The following IFFO2 variants were observed in gnomAD, a reference collection of about 807,000 sequenced individuals.
The protein encoded by IFFO2 is intermediate filament family orphan 2.
Under a neutral mutation model 53.5 loss-of-function variants are expected in IFFO2, and 19 were observed. The observed-to-expected ratio is 0.36, with a 90% CI of 0.25 to 0.52. The LOEUF (loss-of-function observed/expected upper bound fraction) is 0.52, where lower values mean the gene tolerates loss of function less well. Among genes scored for constraint, IFFO2 ranks in the 20% least tolerant of loss-of-function variants. The pLI is 0.94. For missense variants in IFFO2, 570 were observed against 727.4 expected (o/e 0.78, Z 2.49); for synonymous variants, 303 against 313.6 (o/e 0.97, Z 0.36).
intron 5 of IFFO2, among the ~76,000 whole-genome samples, chr1:18,914,137 T>C (rs1471914499): frequency 6.6e-6 from 1 of 152,204 alleles, no homozygotes; most frequent in East Asian, 1.9e-4. Flanking sequence ...GGCCTGTTTG[T>C]TTTAACTTAG....
Position 18,906,863 on chromosome 1 carries a change from G to A in IFFO2, c.*1698C>T, listed in dbSNP as rs540886255. On this transcript the variant is annotated 3_prime_UTR_variant, in exon 9 of 9. Coordinates refer to ENST00000455833, the MANE Select transcript of IFFO2 (RefSeq NM_001136265.2). ...AACTCATGACGAAGGCCACCAAATC[G>A]TGATAAATTACATCACACATAGTCA... is the stretch of plus-strand genomic sequence containing the variant. The A allele has an allele frequency of 4.6e-5, 7 of 152,298 alleles. No individual in the cohort carries two copies. Among genetic ancestry groups the A allele is most frequent in the African/African-American group, 9.6e-5 (4 of 41,546 alleles). The allele number at this position is 152,298 out of a possible 1,614,324, so 9.4% of individuals were successfully genotyped here.
chr1:18,950,258 G>C (rs545035280), intron 1 of IFFO2, among the ~76,000 whole-genome samples: 1 of 152,358 alleles, frequency 6.6e-6, no homozygotes, highest in South Asian at 2.1e-4. Flanking sequence ...ATGGGACAGA[G>C]AGAGCGGCGA....
At chr1:18,954,753 C>T (rs892145265) in intron 1 of IFFO2, among the ~76,000 whole-genome samples, 7 of 152,230 alleles carry the variant, frequency 4.6e-5, no homozygotes, top group South Asian at 2.1e-4. Context: ...GACAGTTTCC[C>T]AGCTGGGGAA....
chr1:18,941,279 G>T (rs915743260), intron 1 of IFFO2, among the ~76,000 whole-genome samples: 1 of 152,358 alleles, frequency 6.6e-6, no homozygotes, highest in Admixed American at 6.5e-5. Context: ...GGGGCTGAGC[G>T]CAAGCCAAGC....
At chr1:18,948,931 G>A (rs1936624068) in intron 1 of IFFO2, among the ~76,000 whole-genome samples, 1 of 152,232 alleles carries the variant, frequency 6.6e-6, no homozygotes, top group African/African-American at 2.4e-5. Context: ...CGGACACAGA[G>A]CTTAGCATCC....
chr1:18,934,083 T>TTTTTTTTTTTTTTTTC (rs1936415097), intron 1 of IFFO2, among the ~76,000 whole-genome samples: 1 of 143,092 alleles, frequency 7.0e-6, no homozygotes, highest in African/African-American at 2.6e-5. Context: ...TTTTTTTTTT[T>TTTTTTTTTTTTTTTTC]TGAGACAGCG....
chr1:18,911,942 G>A, intron 6 of IFFO2, 21 bp downstream of exon 6: 1 of 1,551,328 alleles, frequency 6.4e-7, no homozygotes, highest in Non-Finnish European at 8.7e-7. Context: ...TGGCCTTTGG[G>A]AAGCCAGGCG....
At chr1:18,951,657 G>A (rs1291354587) in intron 1 of IFFO2, among the ~76,000 whole-genome samples, 3 of 152,194 alleles carry the variant, frequency 2.0e-5, no homozygotes, top group Non-Finnish European at 2.9e-5. Flanking sequence ...TGTGACAGCT[G>A]CCAGGCTGGA....
Position 18,917,517 on chromosome 1 carries a change from C to T in IFFO2, c.964-475G>A, listed in dbSNP as rs1936150567. Among the ~76,000 whole-genome samples, 1 of 152,168 alleles carries T rather than the reference C, an allele frequency of 6.6e-6. No individual in the cohort carries two copies. The highest frequency in any genetic ancestry group is 2.4e-5 in the African/African-American group (1 of 41,438). ...AAGCTTCCACTCCAAGCAGACAAGC[C>T]ACGAGCAAACGAAGGCTGCGTTGGC... On this transcript the variant is annotated intron_variant, in intron 4 of 8. Transcript: ENST00000455833. This position sits in a 1 kb window ranked among gnomAD's most constrained non-coding sequence, Gnocchi z 5.9.
intron 1 of IFFO2, among the ~76,000 whole-genome samples, chr1:18,938,061 G>C (rs1228254702): frequency 6.6e-6 from 1 of 151,418 alleles, no homozygotes; most frequent in African/African-American, 2.4e-5. Flanking sequence ...AGCCGGCTTG[G>C]GGCAAAGTGG....
rs77099470 is a variant in IFFO2, at chr1:18,915,226, T to C, written c.1103+1677A>G. Among the ~76,000 whole-genome samples the C allele has an allele frequency of 4.9e-3, 746 of 152,164 alleles. 10 individuals carry two copies. The highest frequency in any genetic ancestry group is 0.017 in the African/African-American group (702 of 41,528). Reference sequence around the variant, plus strand: ...GCTGGGCAGAGTGAGCTCTGGACTATGGAATTCTGAGCCAGCCTCAGAGCT... The same window carrying C: ...GCTGGGCAGAGTGAGCTCTGGACTACGGAATTCTGAGCCAGCCTCAGAGCT... On this transcript the variant is annotated intron_variant, in intron 5 of 8. Transcript: ENST00000455833.
chr1:18,955,563 G>T, intron 1 of IFFO2, 105 bp downstream of exon 1: 1 of 1,416,180 alleles, frequency 7.1e-7, no homozygotes, highest in Non-Finnish European at 9.3e-7. Flanking sequence ...CAGCCCACCT[G>T]CCAGTACCAG....
intron 2 of IFFO2, among the ~76,000 whole-genome samples, chr1:18,920,776 C>T (rs988185607): frequency 1.3e-5 from 2 of 152,200 alleles, no homozygotes; most frequent in African/African-American, 4.8e-5. Flanking sequence ...GGTCGCTGGT[C>T]CCAGGTCATA....
chr1:18,924,346 C>T lies in IFFO2; in HGVS notation c.666-3225G>A, dbSNP rs575610408. ...AGTTGCTGGCACAGAGATTTCAACA[C>T]CAGCTTCCCAAGCACAACCCTCCCT... is the stretch of plus-strand genomic sequence containing the variant. On this transcript the variant is annotated intron_variant, in intron 1 of 8. Transcript: ENST00000455833. Among the ~76,000 whole-genome samples the T allele has an allele frequency of 2.2e-4, 33 of 148,516 alleles. 1 individual carries two copies. In the South Asian group the frequency reaches 7.3e-3, roughly 33 times the overall value.
intron 1 of IFFO2, among the ~76,000 whole-genome samples, chr1:18,946,894 A>G (rs1936595520): frequency 6.6e-6 from 1 of 152,240 alleles, no homozygotes; most frequent in South Asian, 2.1e-4. Context: ...TAAATGTTGT[A>G]TAAATATTTA....
Position 18,916,873 on chromosome 1 carries a change from GGA to G in IFFO2, c.1103+28_1103+29del. On this transcript the variant is annotated intron_variant, in intron 5 of 8. Coordinates refer to ENST00000455833, the MANE Select transcript of IFFO2 (RefSeq NM_001136265.2). The surrounding 1 kb of genome is among the most constrained non-coding windows in gnomAD (Gnocchi z 4.3). ...CCCTGTGCAAGCAATCCGGGGAAAC[GGA>G]GAGTGTGCGGGCCACGGGGATACTC... 1 of 1,550,462 alleles carries G rather than the reference GGA, an allele frequency of 6.4e-7. No individual in the cohort carries two copies. The highest frequency in any genetic ancestry group is 1.2e-5 in the South Asian group (1 of 83,956).
chr1:18,956,080 G>A lies in IFFO2; in HGVS notation c.253C>T (p.Leu85=). 1.3e-6 allele frequency: 2 copies of A among 1,497,014 alleles called. No individual in the cohort carries two copies. Among genetic ancestry groups the A allele is most frequent in the East Asian group, 2.7e-5 (1 of 37,166 alleles). The allele number at this position is 1,497,014 out of a possible 1,614,324, so 92.7% of individuals were successfully genotyped here. The change falls in exon 1 of 9, where the codon CTG becomes TTG. Residue 85 remains leucine, a synonymous_variant. Transcript: ENST00000455833. The surrounding 1 kb of genome is among the most constrained non-coding windows in gnomAD (Gnocchi z 6.4). ...TCGCGCTCGCTCTGCTGCTGCTCCA[G>A]CTGCTTCTCCAGCAGCCGGTTGCGC... ...ERRNRLLEKQ[L]EQQQSERERR...
chr1:18,923,720 C>T (rs1936245338), intron 1 of IFFO2, among the ~76,000 whole-genome samples: 1 of 152,328 alleles, frequency 6.6e-6, no homozygotes, highest in African/African-American at 2.4e-5. Context: ...CAGCGTGTCT[C>T]AGCCTAGAAT....
intron 1 of IFFO2, among the ~76,000 whole-genome samples, chr1:18,940,797 G>T (rs1050083761): frequency 6.6e-6 from 1 of 152,060 alleles, no homozygotes; most frequent in Non-Finnish European, 1.5e-5. Flanking sequence ...GTACGTACAC[G>T]TGCAAATACC....
Sources: allele counts gnomAD v4.1 joint callset (sites outside exome capture counted in the v4.1 genomes callset), GRCh38; gene constraint gnomAD v4.1.1; non-coding constraint Gnocchi (gnomAD v3.1); transcripts MANE v1.5; gene names NCBI Gene and HGNC (gene_info 2026-07-23, HGNC 2026-07-21).